HAGH: variants seen among roughly 807,000 people sequenced by gnomAD.
HAGH encodes hydroxyacylglutathione hydrolase.
HAGH carries 29 observed loss-of-function variants against 35.1 expected under a neutral mutation model. That is an observed-to-expected ratio of 0.83 (90% CI 0.62 to 1.13). HAGH has a LOEUF of 1.13. HAGH is among the 50% of genes most tolerant of loss of function. HAGH has a pLI of 0.00. For synonymous variants in HAGH, 225 were observed against 176.1 expected (o/e 1.28, Z -2.20); for missense variants, 478 against 419.6 (o/e 1.14, Z -1.22).
chr16:1,820,045 TGCTG>T lies in HAGH; in HGVS notation c.315-35_315-32del, dbSNP rs762895368. ...AGTCAAACAGGAGACCTGGGCTGCCTGCTGAGCTGAGGGGGCTGCCTGCTGAGCT... is the reference window on the plus strand; with the variant it reads ...AGTCAAACAGGAGACCTGGGCTGCCTAGCTGAGGGGGCTGCCTGCTGAGCT... On this transcript the variant is annotated intron_variant, in intron 3 of 8. Transcript: ENST00000397356. The T allele has an allele frequency of 3.2e-5, 14 of 443,526 alleles. No individual in the cohort carries two copies. In the African/African-American group the frequency reaches 6.0e-4, roughly 19 times the overall value. The allele number at this position is 443,526 out of a possible 1,614,324, so 27.5% of individuals were successfully genotyped here. A position where few individuals can be genotyped will look rare whatever the true frequency, so the allele number is the denominator to read the frequency against.
upstream of HAGH, chr16:1,827,082 C>G: frequency 1.6e-5 from 18 of 1,138,270 alleles, no homozygotes; most frequent in Non-Finnish European, 2.2e-5. Flanking sequence ...CCCTGGAGGC[C>G]GAGCGCCACG....
intron 3 of HAGH, among the ~76,000 whole-genome samples, chr16:1,820,887 C>T (rs891511365): frequency 8.5e-5 from 13 of 152,212 alleles, no homozygotes; most frequent in South Asian, 4.1e-4. Flanking sequence ...AACCCCACCC[C>T]GCTGAAGCTA....
rs869144815 is a variant in HAGH at position 1,820,077 on chromosome 16, GGGGGCTGCCTGCTGAGCTGA to G, written c.315-83_315-64del. Reference sequence around the variant, plus strand: ...CTGAGGGGGCTGCCTGCTGAGCTGAGGGGGCTGCCTGCTGAGCTGAGGGGCTGCCTGCTGCTCTTAAACCC... The same window carrying G: ...CTGAGGGGGCTGCCTGCTGAGCTGAGGGGGCTGCCTGCTGCTCTTAAACCC... On this transcript the variant is annotated intron_variant, in intron 3 of 8. Coordinates refer to ENST00000397356, the MANE Select transcript of HAGH (RefSeq NM_005326.6). The G allele has an allele frequency of 4.0e-3, 1,244 of 307,518 alleles. 15 individuals carry two copies. The highest frequency in any genetic ancestry group is 8.7e-3 in the Middle Eastern group (12 of 1,378). The allele number at this position is 307,518 out of a possible 1,614,324, so 19.0% of individuals were successfully genotyped here.
intron 3 of HAGH, among the ~76,000 whole-genome samples, chr16:1,820,427 C>T (rs899881130): frequency 4.1e-5 from 6 of 146,114 alleles, no homozygotes; most frequent in African/African-American, 1.6e-4. Flanking sequence ...TTTGAAGGCC[C>T]CCAGGTGATC....
At chr16:1,825,617 A>C (rs1898366425) in intron 1 of HAGH, among the ~76,000 whole-genome samples, 1 of 152,152 alleles carries the variant, frequency 6.6e-6, no homozygotes, top group Non-Finnish European at 1.5e-5. Flanking sequence ...TCTGTCCCCT[A>C]GGCTACAGTG....
Position 1,817,842 on chromosome 16 carries a change from C to A in HAGH, c.542-571G>T, listed in dbSNP as rs1178660928. Among the ~76,000 whole-genome samples the A allele has an allele frequency of 2.6e-5, 4 of 152,224 alleles. No individual in the cohort carries two copies. In the South Asian group the frequency reaches 6.2e-4, roughly 24 times the overall value. ...TTGCCCTCCTCTTGCTGCTTCGCGG[C>A]TGTCCTGGCCTCGCTGACCTCACGT... On this transcript the variant is annotated intron_variant, in intron 5 of 8. Coordinates refer to ENST00000397356, the MANE Select transcript of HAGH (RefSeq NM_005326.6).
At chr16:1,822,402 C>A (rs745498147) in intron 2 of HAGH, 38 bp from the exon 3 acceptor site, 19 of 1,492,264 alleles carry the variant, frequency 1.3e-5, no homozygotes, top group Admixed American at 3.3e-5. Context: ...GCCTGTCACA[C>A]TCCTAGGCCT....
rs1285309485 is a variant in HAGH at position 1,808,983 on chromosome 16, C to A, written c.*300G>T. 4.6e-5 allele frequency: 17 copies of A among 371,114 alleles called. No individual in the cohort carries two copies. The East Asian group carries it at 7.6e-4, about 17-fold the overall frequency. 23.0% of individuals were successfully genotyped at this position (371,114 alleles called of 1,614,324 possible). On this transcript the variant is annotated 3_prime_UTR_variant, in exon 9 of 9. Transcript: ENST00000397356. ...CCAGCCAAGGCCACAGCAAAGGCAC[C>A]GGCTCACGCCTGACCTGAAGCGTGG...
chr16:1,810,057 CAG>C (rs1266213844), intron 7 of HAGH: 23 of 558,196 alleles, frequency 4.1e-5, no homozygotes, highest in African/African-American at 1.7e-4. Flanking sequence ...CCCAGCTACT[CAG>C]GGGGCTGAGG....
rs1897480032 is a variant in HAGH at position 1,808,075 on chromosome 16, A to T, written c.*1208T>A. On this transcript the variant is annotated 3_prime_UTR_variant, in exon 9 of 9. Transcript: ENST00000397356. Reference sequence around the variant, plus strand: ...TTCAGAACACGCGAGAGGCGGCTGCAGCATTGTGAATGGACTAAATACCAC... The same window carrying T: ...TTCAGAACACGCGAGAGGCGGCTGCTGCATTGTGAATGGACTAAATACCAC... The T allele has an allele frequency of 6.6e-6, 1 of 152,226 alleles. No individual in the cohort carries two copies. Among genetic ancestry groups the T allele is most frequent in the African/African-American group, 2.4e-5 (1 of 41,462 alleles). The allele number at this position is 152,226 out of a possible 1,614,324, so 9.4% of individuals were successfully genotyped here. A position where few individuals can be genotyped will look rare whatever the true frequency, so the allele number is the denominator to read the frequency against.
At chr16:1,821,988 T>C (rs1446173025) in intron 3 of HAGH, 6 of 288,752 alleles carry the variant, frequency 2.1e-5, no homozygotes, top group Non-Finnish European at 3.3e-5. Context: ...ACCTGTAGAC[T>C]CATTTCCTCC....
intron 2 of HAGH, 72 bp from the exon 3 acceptor site, chr16:1,822,436 G>T: frequency 8.7e-7 from 1 of 1,149,918 alleles, no homozygotes; most frequent in South Asian, 1.2e-5. Context: ...ATATGGTAGG[G>T]TGCCCAGCAG....
At chr16:1,825,909 T>C (rs1031818604) in intron 1 of HAGH, among the ~76,000 whole-genome samples, 4 of 152,194 alleles carry the variant, frequency 2.6e-5, no homozygotes, top group South Asian at 2.1e-4. Context: ...CTTGCTTCCC[T>C]TGAACTGGGC....
At chr16:1,826,519 G>A (rs1898430602) in intron 1 of HAGH, 193 bp downstream of exon 1, 1 of 965,780 alleles carries the variant, frequency 1.0e-6, no homozygotes, top group Non-Finnish European at 1.2e-6. Context: ...AGCGCTTTCC[G>A]CACCCGCGGC....
At chr16:1,810,528 T>C (rs1897597706) in intron 7 of HAGH, 1 of 151,928 alleles carries the variant, frequency 6.6e-6, no homozygotes, top group Non-Finnish European at 1.5e-5. Context: ...CCTCTCGAGA[T>C]GGAGATGGTC....
At chr16:1,826,388 G>T (rs1338742530) in intron 1 of HAGH, 2 of 218,002 alleles carry the variant, frequency 9.2e-6, no homozygotes, top group Non-Finnish European at 1.5e-5. Context: ...TCAGAGCCGC[G>T]CCCCAGGCTC....
At chr16:1,820,595 C>T (rs1038834661) in intron 3 of HAGH, among the ~76,000 whole-genome samples, 1 of 152,288 alleles carries the variant, frequency 6.6e-6, no homozygotes, top group East Asian at 1.9e-4. Flanking sequence ...GTGGAGGTGC[C>T]TCCTACGCGC....
Position 1,809,214 on chromosome 16 carries a change from C to T in HAGH, c.*69G>A, listed in dbSNP as rs908001245. The T allele has an allele frequency of 2.6e-5, 27 of 1,048,754 alleles. No individual in the cohort carries two copies. The highest frequency in any genetic ancestry group is 7.8e-5 in the African/African-American group (5 of 63,938). The allele number at this position is 1,048,754 out of a possible 1,614,324, so 65.0% of individuals were successfully genotyped here. A position where few individuals can be genotyped will look rare whatever the true frequency, so the allele number is the denominator to read the frequency against. On this transcript the variant is annotated 3_prime_UTR_variant, in exon 9 of 9. Coordinates refer to ENST00000397356, the MANE Select transcript of HAGH (RefSeq NM_005326.6). ...TTAAATCAAGACTGAATTTCCCGCA[C>T]GGACCAGCAGGAAAGCCAGTTACCT... is the stretch of plus-strand genomic sequence containing the variant.
Position 1,817,203 on chromosome 16 carries a change from G to A in HAGH, c.610C>T (p.Leu204=), listed in dbSNP as rs1294200125. 1.2e-6 allele frequency: 2 copies of A among 1,613,142 alleles called. No individual in the cohort carries two copies. Among genetic ancestry groups the A allele is most frequent in the Non-Finnish European group, 1.7e-6 (2 of 1,179,084 alleles). The change falls in exon 6 of 9, where the codon CTG becomes TTG. Residue 204 remains leucine (L), a synonymous_variant. Coordinates refer to ENST00000397356, the MANE Select transcript of HAGH (RefSeq NM_005326.6). The stretch of plus-strand genomic sequence containing the variant: ...GGGAGCCGGCCCAAGACCTCCAGCA[G>A]AGCTTTACACATCTCATCCGCAGTC... ...EGTADEMCKA[L]LEVLGRLPPD... is the part of the protein sequence containing the mutation.
Sources: gnomAD v4.1 joint callset for allele counts (sites outside exome capture counted in the v4.1 genomes callset) on GRCh38, gnomAD v4.1.1 for gene constraint, MANE v1.5 for transcripts, NCBI Gene and HGNC (gene_info 2026-07-23, HGNC 2026-07-21) for gene names.